The following PCA3 variants were observed in gnomAD, a reference collection of about 807,000 sequenced individuals.
The protein encoded by PCA3 is Differential Display code 3.
At chr9:76,777,322 G>A (rs1225990446) in intron 2 of PCA3, among the ~76,000 whole-genome samples, 1 of 152,138 alleles carries the variant, frequency 6.6e-6, no homozygotes, top group Non-Finnish European at 1.5e-5. Context: ...AAAGTCTTCT[G>A]AGAAAGAATA....
At chr9:76,767,451 C>CA (rs33948203) in intron 2 of PCA3, among the ~76,000 whole-genome samples, 68,690 of 146,342 alleles carry the variant, frequency 0.47, 16,307 homozygotes, top group East Asian at 0.66. Context: ...AACTCTGTCT[C>CA]AAAAAAAAAA....
chr9:76,765,519 T>C (rs2052254248), intron 2 of PCA3, among the ~76,000 whole-genome samples: 1 of 152,180 alleles, frequency 6.6e-6, no homozygotes, highest in Non-Finnish European at 1.5e-5. Context: ...GCTCTCATAA[T>C]TGCATTCTAG....
intron 2 of PCA3, chr9:76,764,437 CA>C (rs1299936079): frequency 6.6e-6 from 1 of 151,988 alleles, no homozygotes; most frequent in Admixed American, 6.6e-5. Flanking sequence ...GTGTTCCAGA[CA>C]GAAGAAATAG....
In PCA3 at chr9:76,765,284, G is replaced by A. The variant is rs534232235; in HGVS notation, n.852+28669G>A. Reference sequence around the variant, plus strand: ...AGGTGGGGGGCATTTGGAAGAAAACGATGCCATAGAAGCCAAGATGAAATA... The same window carrying A: ...AGGTGGGGGGCATTTGGAAGAAAACAATGCCATAGAAGCCAAGATGAAATA... On this transcript the variant is annotated intron_variant and non_coding_transcript_variant, in intron 2 of 5. Transcript: ENST00000644657. Among the ~76,000 whole-genome samples the A allele has an allele frequency of 4.6e-5, 7 of 152,288 alleles. No individual in the cohort carries two copies. The East Asian group carries it at 9.7e-4, about 21-fold the overall frequency.
chr9:76,780,517 T>C (rs1182792181), intron 2 of PCA3, among the ~76,000 whole-genome samples: 3 of 151,720 alleles, frequency 2.0e-5, no homozygotes, highest in African/African-American at 7.3e-5. Context: ...GAAACCCTGT[T>C]TCTAATAAAA....
chr9:76,785,103 C>T (rs1452767306), intron 2 of PCA3: 1 of 152,248 alleles, frequency 6.6e-6, no homozygotes, highest in Non-Finnish European at 1.5e-5. Context: ...TCTCCCCATC[C>T]CTCCAGCCTT....
chr9:76,770,212 T>C (rs1222752124), intron 2 of PCA3, among the ~76,000 whole-genome samples: 1 of 152,166 alleles, frequency 6.6e-6, no homozygotes, highest in Non-Finnish European at 1.5e-5. Context: ...TTGAAGATTA[T>C]TTTTACCCTT....
At chr9:76,782,683 T>C (rs2054547523) in intron 2 of PCA3, 1 of 152,350 alleles carries the variant, frequency 6.6e-6, no homozygotes, top group Non-Finnish European at 1.5e-5. Flanking sequence ...ACAACACATA[T>C]ACTTAGTGTT....
intron 2 of PCA3, among the ~76,000 whole-genome samples, chr9:76,773,688 C>T (rs368237008): frequency 3.3e-4 from 50 of 152,252 alleles, no homozygotes; most frequent in Admixed American, 1.1e-3. Flanking sequence ...AGGTGATCCA[C>T]CTGACTCGGC....
At chr9:76,766,690 CAT>C in intron 2 of PCA3, among the ~76,000 whole-genome samples, 1 of 152,250 alleles carries the variant, frequency 6.6e-6, no homozygotes, top group Non-Finnish European at 1.5e-5. Context: ...CTTCTTCAAA[CAT>C]GTCAATTTTG....
chr9:76,764,728 G>T (rs1344211285), intron 2 of PCA3, among the ~76,000 whole-genome samples: 1 of 152,222 alleles, frequency 6.6e-6, no homozygotes, highest in African/African-American at 2.4e-5. Context: ...AGGGACACCA[G>T]TTAAGTTATT....
At chr9:76,768,202 T>C (rs2052638574) in intron 2 of PCA3, among the ~76,000 whole-genome samples, 1 of 150,980 alleles carries the variant, frequency 6.6e-6, no homozygotes, top group South Asian at 2.1e-4. Context: ...TGATTTTCCT[T>C]TTTTTTTTGA....
At chr9:76,775,498 G>A (rs1289271582) in intron 2 of PCA3, among the ~76,000 whole-genome samples, 9 of 151,884 alleles carry the variant, frequency 5.9e-5, no homozygotes, top group African/African-American at 1.7e-4. Context: ...ATGGGATCTC[G>A]CTATGCTGCC....
chr9:76,785,400 G>T (rs1384584723), intron 2 of PCA3: 1 of 152,120 alleles, frequency 6.6e-6, no homozygotes, highest in Non-Finnish European at 1.5e-5. Context: ...AATGTTTATG[G>T]GGCACGTTTG....
At chr9:76,767,451 CA>C (rs33948203) in intron 2 of PCA3, among the ~76,000 whole-genome samples, 3,534 of 146,446 alleles carry the variant, frequency 0.024, 62 homozygotes, top group Middle Eastern at 0.029. Context: ...AACTCTGTCT[CA>C]AAAAAAAAAA....
chr9:76,772,582 A>G (rs75233964), intron 2 of PCA3, among the ~76,000 whole-genome samples: 5 of 152,064 alleles, frequency 3.3e-5, no homozygotes, highest in African/African-American at 1.2e-4. Flanking sequence ...TCTTTTTTTT[A>G]GAGACAGGGT....
chr9:76,769,518 C>CG (rs2052849702), intron 2 of PCA3, among the ~76,000 whole-genome samples: 1 of 152,114 alleles, frequency 6.6e-6, no homozygotes, highest in African/African-American at 2.4e-5. Context: ...CTCCGCCCCC[C>CG]GGGTTCAAGT....
intron 2 of PCA3, among the ~76,000 whole-genome samples, chr9:76,768,583 ATGTGTGTGTGTGTGTGTGTGTGTGTG>A (rs55793596): frequency 1.9e-5 from 2 of 103,356 alleles, no homozygotes; most frequent in African/African-American, 6.5e-5. Context: ...ATGTATATGT[ATGTGTGTGTGTGTGTGTGTGTGTGTG>A]TGTGTGTGTG....
intron 2 of PCA3, among the ~76,000 whole-genome samples, chr9:76,776,893 TACACACACACAC>T (rs541232508): frequency 0.15 from 17,533 of 115,612 alleles, 1,278 homozygotes; most frequent in Middle Eastern, 0.25. Context: ...CCAAAACACA[TACACACACACAC>T]ACACACACAC....
Sources: gnomAD v4.1 joint callset for allele counts (sites outside exome capture counted in the v4.1 genomes callset) on GRCh38, gnomAD v4.1.1 for gene constraint, MANE v1.5 for transcripts, NCBI Gene and HGNC (gene_info 2026-07-23, HGNC 2026-07-21) for gene names.